Variants in MCTP1 observed in about 807,000 individuals in gnomAD.
MCTP1 encodes the protein multiple C2 and transmembrane domain containing 1.
A neutral mutation model predicts 120.6 loss-of-function variants in MCTP1; 69 were observed. That is an observed-to-expected ratio of 0.57 (90% CI 0.47 to 0.70). The LOEUF is 0.70. Ranked by LOEUF, MCTP1 falls within the 30% of genes least tolerant of loss-of-function variation. MCTP1 has a pLI of 0.00. For missense variants in MCTP1, 1,203 were observed against 1,248.8 expected (o/e 0.96, Z 0.55); for synonymous variants, 529 against 493.1 (o/e 1.07, Z -0.96).
chr5:95,134,152 CA>C (rs1426017902), intron 1 of MCTP1, among the ~76,000 whole-genome samples: 7 of 152,158 alleles, frequency 4.6e-5, no homozygotes, highest in Non-Finnish European at 1.0e-4. Context: ...AGATTGGAAA[CA>C]ATGAGTAAAT....
chr5:95,014,360 A>G (rs1027605574), intron 2 of MCTP1, among the ~76,000 whole-genome samples: 2 of 152,132 alleles, frequency 1.3e-5, no homozygotes, highest in East Asian at 1.9e-4. Context: ...CTTATGGATG[A>G]CTTGAGGGTT....
intron 1 of MCTP1, among the ~76,000 whole-genome samples, chr5:95,256,488 G>C (rs1381257658): frequency 1.3e-5 from 2 of 152,140 alleles, no homozygotes; most frequent in Non-Finnish European, 1.5e-5. Context: ...ACTTCATTGG[G>C]TGACCCTGAC....
intron 10 of MCTP1, among the ~76,000 whole-genome samples, chr5:94,908,290 T>C (rs1235654604): frequency 2.0e-5 from 3 of 152,010 alleles, no homozygotes; most frequent in Non-Finnish European, 4.4e-5. Context: ...ACAAGTAAAA[T>C]AGTAAAGGCT....
At chr5:95,255,250 C>A (rs1177893888) in intron 1 of MCTP1, among the ~76,000 whole-genome samples, 2 of 152,152 alleles carry the variant, frequency 1.3e-5, no homozygotes, top group African/African-American at 4.8e-5. Context: ...CCCTGTCTTA[C>A]TAATATTTGT....
intron 2 of MCTP1, among the ~76,000 whole-genome samples, chr5:94,999,656 A>G (rs1380623721): frequency 6.6e-6 from 1 of 152,240 alleles, no homozygotes; most frequent in South Asian, 2.1e-4. Context: ...AAAATTTGTC[A>G]TCATAATAAT....
chr5:94,742,331 AG>A (rs1157756214), intron 19 of MCTP1, among the ~76,000 whole-genome samples: 1 of 152,210 alleles, frequency 6.6e-6, no homozygotes, highest in Non-Finnish European at 1.5e-5. Context: ...CTGGGATTAC[AG>A]GGGTGCACTG....
intron 17 of MCTP1, among the ~76,000 whole-genome samples, chr5:94,850,640 A>G (rs1793497760): frequency 6.6e-6 from 1 of 152,144 alleles, no homozygotes; most frequent in South Asian, 2.1e-4. Context: ...ACTACAATCT[A>G]GTTTCAGAGT....
At chr5:94,877,400 G>T (rs1400496213) in intron 12 of MCTP1, among the ~76,000 whole-genome samples, 1 of 150,346 alleles carries the variant, frequency 6.7e-6, no homozygotes, top group Non-Finnish European at 1.5e-5. Flanking sequence ...ATGGATCTTT[G>T]TTTTTTTTTA....
At chr5:94,926,003 TAGAAA>T (rs1006170189) in intron 6 of MCTP1, among the ~76,000 whole-genome samples, 13 of 152,182 alleles carry the variant, frequency 8.5e-5, no homozygotes, top group African/African-American at 2.4e-4. Flanking sequence ...GTAAAAAATC[TAGAAA>T]AGAAATGTTT....
At position 95,283,946 on chromosome 5, in the gene MCTP1, C is replaced by A; in HGVS notation, c.630G>T (p.Leu210=). 1.4e-6 allele frequency: 2 copies of A among 1,408,138 alleles called. No homozygotes were observed. The highest frequency in any genetic ancestry group is 2.2e-4 in the Middle Eastern group (1 of 4,478). The allele number at this position is 1,408,138 out of a possible 1,614,324, so 87.2% of individuals were successfully genotyped here. The change falls in exon 1 of 23, where the codon CTG becomes CTT. Residue 210 remains leucine, a synonymous_variant. Coordinates refer to ENST00000515393, the MANE Select transcript of MCTP1 (RefSeq NM_024717.7). Reference sequence around the variant, plus strand: ...CTGCGGGAGGAGGCGGCGGCTCCAGCAGCTGCTCCAGGCAGGCGGTGCCCG... The same window carrying A: ...CTGCGGGAGGAGGCGGCGGCTCCAGAAGCTGCTCCAGGCAGGCGGTGCCCG... The part of the protein sequence containing the change: ...SLPGTACLEQ[L]LEPPPPPAEP...
intron 1 of MCTP1, among the ~76,000 whole-genome samples, chr5:95,170,874 T>G (rs1468931028): frequency 2.6e-5 from 4 of 152,214 alleles, no homozygotes; most frequent in African/African-American, 4.8e-5. Context: ...AATTTGCCAG[T>G]CTGTGTCTTT....
chr5:95,058,691 GAAAAT>G (rs1562090200), intron 1 of MCTP1, among the ~76,000 whole-genome samples: 1 of 145,104 alleles, frequency 6.9e-6, no homozygotes, highest in African/African-American at 2.7e-5. Flanking sequence ...TCCATGGAGG[GAAAAT>G]TGTGAGAATT....
chr5:94,754,964 G>A (rs1769411667), intron 19 of MCTP1, among the ~76,000 whole-genome samples: 1 of 152,134 alleles, frequency 6.6e-6, no homozygotes, highest in Non-Finnish European at 1.5e-5. Flanking sequence ...ATTCTGGGCT[G>A]CCAAGCTGTG....
At chr5:94,819,078 A>AATTTATTTATTTATTT (rs10526286) in intron 17 of MCTP1, among the ~76,000 whole-genome samples, 9 of 140,318 alleles carry the variant, frequency 6.4e-5, no homozygotes, top group South Asian at 4.6e-4. Context: ...AACTACTTCA[A>AATTTATTTATTTATTT]ATTTATTTAT....
chr5:94,882,282 A>C (rs969709464), intron 12 of MCTP1, among the ~76,000 whole-genome samples: 6 of 152,166 alleles, frequency 3.9e-5, no homozygotes, highest in Non-Finnish European at 8.8e-5. Context: ...TGAACAGCTT[A>C]GACCAAGGAC....
intron 7 of MCTP1, among the ~76,000 whole-genome samples, chr5:94,922,400 G>A (rs1042841258): frequency 6.6e-6 from 1 of 152,122 alleles, no homozygotes; most frequent in Non-Finnish European, 1.5e-5. Context: ...CATTCACAAT[G>A]ACCAGTGTGC....
At position 94,897,433 on chromosome 5, in the gene MCTP1, C is replaced by T. The variant is rs143154267; in HGVS notation, c.1653-2598G>A. Among the ~76,000 whole-genome samples, 311 of 152,152 alleles carry T rather than the reference C, an allele frequency of 2.0e-3. 2 individuals carry two copies. Among genetic ancestry groups the T allele is most frequent in the African/African-American group, 7.3e-3 (302 of 41,500 alleles). On this transcript the variant is annotated intron_variant, in intron 10 of 22. Transcript: ENST00000515393. ...GTGCAGTGGCGCGATCTCAACTCAC[C>T]GTAACCTCTGTCTCCTGGGTTCAAG...
intron 2 of MCTP1, among the ~76,000 whole-genome samples, chr5:94,967,232 T>C (rs919669443): frequency 6.6e-6 from 1 of 152,182 alleles, no homozygotes; most frequent in Non-Finnish European, 1.5e-5. Context: ...TAGAGATGGT[T>C]CCTAGAATCC....
chr5:94,824,500 T>G (rs1032655859), intron 17 of MCTP1, among the ~76,000 whole-genome samples: 6 of 152,196 alleles, frequency 3.9e-5, no homozygotes, highest in African/African-American at 1.4e-4. Flanking sequence ...AAATTTTCTT[T>G]TTTTGTTGTG....
Sources: allele counts gnomAD v4.1 joint callset (sites outside exome capture counted in the v4.1 genomes callset), GRCh38; gene constraint gnomAD v4.1.1; transcripts MANE v1.5; gene names NCBI Gene and HGNC (gene_info 2026-07-23, HGNC 2026-07-21).